OSBP: variants seen among roughly 807,000 people sequenced by gnomAD.
The protein encoded by OSBP is oxysterol-binding protein 1.
In OSBP, 32 loss-of-function variants were observed where a neutral mutation model predicts 96.6. The ratio of observed to expected loss-of-function variants is 0.33; its 90% CI spans 0.25 to 0.45. OSBP has a LOEUF of 0.45. Among genes scored for constraint, OSBP ranks in the 20% least tolerant of loss-of-function variants. The probability of loss-of-function intolerance (pLI) is 1.00; values close to 1 mark genes in which losing one functional copy is unlikely to be tolerated. For synonymous variants in OSBP, 369 were observed against 389.6 expected, an observed-to-expected ratio of 0.95 and a Z score of 0.62; for missense variants, 653 against 1,029.7, an observed-to-expected ratio of 0.63 and a Z score of 5.01.
chr11:59,583,498 G>A (rs190077082), intron 9 of OSBP, among the ~76,000 whole-genome samples: 24 of 152,194 alleles, frequency 1.6e-4, no homozygotes, highest in Non-Finnish European at 3.4e-4. Context: ...TGACATCAAT[G>A]ATAATAACAG....
At chr11:59,586,020 C>T (rs1345534306) in intron 9 of OSBP, among the ~76,000 whole-genome samples, 2 of 152,088 alleles carry the variant, frequency 1.3e-5, no homozygotes, top group African/African-American at 2.4e-5. Context: ...CCCAGGGACA[C>T]AAACACTGTG....
In OSBP at chr11:59,594,127, G is replaced by A. The variant is rs751763534; in HGVS notation, c.1440C>T (p.Thr480=). 15 of 1,614,106 alleles carry A rather than the reference G, an allele frequency of 9.3e-6. No individual in the cohort carries two copies. Among genetic ancestry groups the A allele is most frequent in the Middle Eastern group, 1.6e-4 (1 of 6,062 alleles). Residue 480 remains threonine, a synonymous_variant, in exon 8 of 14, where the codon ACC becomes ACT. Transcript: ENST00000263847. ...AGACAGTAGTGGAGTAGGAGGACACGGTGAAAGCTGCAACATAACAGAGCT... is the reference window on the plus strand; with the variant it reads ...AGACAGTAGTGGAGTAGGAGGACACAGTGAAAGCTGCAACATAACAGAGCT... ...LEQLCYVAAF[T]VSSYSTTVFR...
intron 9 of OSBP, among the ~76,000 whole-genome samples, chr11:59,583,646 T>G (rs1014888328): frequency 1.5e-4 from 20 of 137,414 alleles, no homozygotes; most frequent in East Asian, 6.1e-4. Flanking sequence ...TTTTTTTTTT[T>G]TTTTTTTTTT....
chr11:59,611,843 T>C (rs1860852635), intron 1 of OSBP, among the ~76,000 whole-genome samples: 1 of 152,226 alleles, frequency 6.6e-6, no homozygotes, highest in Non-Finnish European at 1.5e-5. Context: ...CAACAAGCTA[T>C]AAGACACTTC....
chr11:59,599,473 T>C (rs1167200888), intron 7 of OSBP, among the ~76,000 whole-genome samples: 4 of 151,982 alleles, frequency 2.6e-5, no homozygotes, highest in Admixed American at 6.6e-5. Flanking sequence ...CTTTAATAAA[T>C]TGAACCTATA....
At chr11:59,578,044 C>G in intron 12 of OSBP, 105 bp downstream of exon 12, 9 of 1,046,838 alleles carry the variant, frequency 8.6e-6, no homozygotes, top group Non-Finnish European at 1.1e-5. Flanking sequence ...TTCCCTTGCT[C>G]AATTCCCCAC....
Position 59,615,401 on chromosome 11 carries a change from G to A in OSBP, c.264C>T (p.Gly88=). 2 of 1,565,122 alleles carry A rather than the reference G, an allele frequency of 1.3e-6. No homozygotes were observed. Among genetic ancestry groups the A allele is most frequent in the Non-Finnish European group, 1.7e-6 (2 of 1,153,900 alleles). ...GSGGSGAGGS[G]SAREGWLFKW... ...TGAAGAGCCAGCCCTCTCGAGCCGA[G>A]CCCGAACCCCCAGCGCCCGAGCCGC... Residue 88 remains glycine, a synonymous_variant, in exon 1 of 14, where the codon GGC becomes GGT. Transcript: ENST00000263847.
At position 59,601,853 on chromosome 11, in the gene OSBP, C is replaced by T. The variant is rs374706207; in HGVS notation, c.823-15G>A. On this transcript the variant is annotated splice_polypyrimidine_tract_variant and intron_variant, in intron 3 of 13. Coordinates refer to ENST00000263847, the MANE Select transcript of OSBP (RefSeq NM_002556.3). Reference sequence around the variant, plus strand: ...TCTCTGCAGGCCTGTATGGAGAAAGCGTTGACTGTGTCAGCTCAACTAGTC... The same window carrying T: ...TCTCTGCAGGCCTGTATGGAGAAAGTGTTGACTGTGTCAGCTCAACTAGTC... 6.2e-6 allele frequency: 10 copies of T among 1,611,792 alleles called. No individual in the cohort carries two copies. The highest frequency in any genetic ancestry group is 4.5e-5 in the East Asian group (2 of 44,860).
At position 59,615,573 on chromosome 11, in the gene OSBP, CCCACCACTGGGGGACCGGCGCCGCCG is replaced by C; in HGVS notation, c.66_91del (p.Gly23ArgfsTer133). ...CGCATCTCCGCGGCCGCCGCCTCCT[CCCACCACTGGGGGACCGGCGCCGCCG>C]CCGCCAAGTGCTGCAATGGCTGCCG... On this transcript the variant is annotated frameshift_variant, in exon 1 of 14. Coordinates refer to ENST00000263847, the MANE Select transcript of OSBP (RefSeq NM_002556.3). LOFTEE classifies it high-confidence loss of function. The C allele has an allele frequency of 7.3e-7, 1 of 1,373,462 alleles. No individual in the cohort carries two copies. The highest frequency in any genetic ancestry group is 9.4e-7 in the Non-Finnish European group (1 of 1,059,220). 85.1% of individuals were successfully genotyped at this position (1,373,462 alleles called of 1,614,324 possible). A position where few individuals can be genotyped will look rare whatever the true frequency, so the allele number is the denominator to read the frequency against.
chr11:59,593,906 T>C (rs1435036734), intron 8 of OSBP, 104 bp downstream of exon 8: 25 of 1,466,316 alleles, frequency 1.7e-5, no homozygotes, highest in Non-Finnish European at 1.8e-5. Flanking sequence ...AAAGCTGGGA[T>C]GACAGGGACT....
At chr11:59,599,236 G>T (rs1479078438) in intron 7 of OSBP, among the ~76,000 whole-genome samples, 2 of 152,232 alleles carry the variant, frequency 1.3e-5, no homozygotes, top group Non-Finnish European at 1.5e-5. Context: ...GATGAAAGCA[G>T]CTGCAGATGA....
chr11:59,578,388 T>C (rs542132131), intron 11 of OSBP, 58 bp from the exon 12 acceptor site: 1 of 1,513,240 alleles, frequency 6.6e-7, no homozygotes, highest in Non-Finnish European at 9.1e-7. Flanking sequence ...TTAGCTTACC[T>C]GACTATACTG....
At chr11:59,600,692 C>G (rs1447819879) in intron 6 of OSBP, 65 bp from the exon 7 acceptor site, 1 of 1,581,056 alleles carries the variant, frequency 6.3e-7, no homozygotes, top group African/African-American at 1.4e-5. Context: ...TTATAACCTT[C>G]CCTTCCCCCG....
At chr11:59,611,610 G>A (rs1860849292) in intron 1 of OSBP, among the ~76,000 whole-genome samples, 1 of 152,162 alleles carries the variant, frequency 6.6e-6, no homozygotes, top group Admixed American at 6.5e-5. Context: ...GCTTTCTGGG[G>A]AAGTAAAAAG....
intron 10 of OSBP, among the ~76,000 whole-genome samples, chr11:59,580,491 C>G (rs1554979082): frequency 6.6e-6 from 1 of 152,168 alleles, no homozygotes; most frequent in Non-Finnish European, 1.5e-5. Flanking sequence ...TTGTATCTCA[C>G]ATGTTAGATG....
intron 1 of OSBP, among the ~76,000 whole-genome samples, chr11:59,614,486 G>A (rs1860896290): frequency 6.6e-6 from 1 of 152,192 alleles, no homozygotes; most frequent in African/African-American, 2.4e-5. Context: ...GTGATGGCCA[G>A]GTTATGAGTC....
At chr11:59,595,275 A>C (rs1264385346) in intron 7 of OSBP, 1 of 152,558 alleles carries the variant, frequency 6.6e-6, no homozygotes, top group African/African-American at 2.4e-5. Context: ...TAGATGAACA[A>C]GTCTAAATAT....
At chr11:59,605,593 C>G (rs199725651) in intron 3 of OSBP, among the ~76,000 whole-genome samples, 1 of 152,018 alleles carries the variant, frequency 6.6e-6, no homozygotes, top group South Asian at 2.1e-4. Flanking sequence ...ACCATGTTGG[C>G]CAGGCTGGTC....
At chr11:59,586,544 T>C (rs1053964969) in intron 9 of OSBP, among the ~76,000 whole-genome samples, 3 of 152,142 alleles carry the variant, frequency 2.0e-5, no homozygotes, top group African/African-American at 4.8e-5. Context: ...TCTGCAGAAA[T>C]AGAAAAACCT....
Sources: gnomAD v4.1 joint callset for allele counts (sites outside exome capture counted in the v4.1 genomes callset) on GRCh38, gnomAD v4.1.1 for gene constraint, MANE v1.5 for transcripts, NCBI Gene and HGNC (gene_info 2026-07-23, HGNC 2026-07-21) for gene names.